The following DNAH8 variants were observed in gnomAD, a reference collection of about 807,000 sequenced individuals.
DNAH8 encodes dynein axonemal heavy chain 8, also known as axonemal beta dynein heavy chain 8.
DNAH8 carries 382 observed loss-of-function variants against 562.1 expected under a neutral mutation model. That is an observed-to-expected ratio of 0.68 (90% CI 0.63 to 0.74). DNAH8 has a LOEUF of 0.74. Ranked by LOEUF, DNAH8 falls within the 30% of genes least tolerant of loss-of-function variation. The pLI, the probability that DNAH8 is intolerant of heterozygous loss-of-function variation, is 0.00. For synonymous variants in DNAH8, 1,881 were observed against 1,919.4 expected, an observed-to-expected ratio of 0.98 and a Z score of 0.52; for missense variants, 5,203 against 5,620.4, an observed-to-expected ratio of 0.93 and a Z score of 2.37.
chr6:38,988,803 C>T (rs538438776), intron 87 of DNAH8, among the ~76,000 whole-genome samples: 1 of 152,346 alleles, frequency 6.6e-6, no homozygotes, highest in Non-Finnish European at 1.5e-5. Flanking sequence ...CCAAAAATCA[C>T]CTCCTTGAGA....
intron 88 of DNAH8, among the ~76,000 whole-genome samples, chr6:39,001,506 GA>G (rs34756517): frequency 6.6e-6 from 1 of 151,990 alleles, no homozygotes; most frequent in African/African-American, 2.4e-5. Flanking sequence ...TATAATCGAT[GA>G]AAAAATGAGG....
intron 74 of DNAH8, chr6:38,929,310 A>C (rs1782353093): frequency 2.3e-6 from 1 of 435,756 alleles, no homozygotes; most frequent in East Asian, 3.7e-5. Flanking sequence ...ACCCCATTAC[A>C]CATCTAGACC....
chr6:38,876,924 C>T (rs1442805078), intron 53 of DNAH8, among the ~76,000 whole-genome samples: 1 of 152,104 alleles, frequency 6.6e-6, no homozygotes, highest in Non-Finnish European at 1.5e-5. Flanking sequence ...TTTCAGTGGG[C>T]CATCTTTAAC....
intron 41 of DNAH8, among the ~76,000 whole-genome samples, chr6:38,854,826 G>A (rs57977635): frequency 0.015 from 2,300 of 150,032 alleles, 94 homozygotes; most frequent in East Asian, 0.15. Context: ...TCTAGTGTAT[G>A]TGTGTATATA....
intron 3 of DNAH8, among the ~76,000 whole-genome samples, chr6:38,726,903 C>T (rs1022145927): frequency 8.3e-5 from 12 of 144,458 alleles, no homozygotes; most frequent in Non-Finnish European, 9.0e-5. Flanking sequence ...TGTTACCCAG[C>T]CTGGAGTGCA....
At chr6:38,755,799 G>C (rs9357280) in intron 9 of DNAH8, among the ~76,000 whole-genome samples, 173 bp from the exon 10 acceptor site, 2 of 152,032 alleles carry the variant, frequency 1.3e-5, no homozygotes, top group Non-Finnish European at 2.9e-5. Flanking sequence ...CTAATGTCCT[G>C]TTATCTGTTC....
In DNAH8 at chr6:39,026,476, A is replaced by C. The variant is rs548981398; in HGVS notation, c.13715-70A>C. ...GAGATTGATAAGCAAGTAACACTTA[A>C]CATTGCTTCCTTCTTGTTTTTAAAG... On this transcript the variant is annotated intron_variant, in intron 91 of 92. Coordinates refer to ENST00000327475, the MANE Select transcript of DNAH8 (RefSeq NM_001206927.2). 20 of 1,479,246 alleles carry C rather than the reference A, an allele frequency of 1.4e-5. No homozygotes were observed. The African/African-American group carries it at 2.5e-4, about 18-fold the overall frequency. The allele number at this position is 1,479,246 out of a possible 1,614,324, so 91.6% of individuals were successfully genotyped here. A position where few individuals can be genotyped will look rare whatever the true frequency, so the allele number is the denominator to read the frequency against.
At position 38,932,183 on chromosome 6, in the gene DNAH8, A is replaced by AACACACACACACACACACAC. The variant is rs70981599; in HGVS notation, c.11457+205_11457+224dup. 2.0e-3 allele frequency among the ~76,000 whole-genome samples: 284 copies of AACACACACACACACACACAC among 139,854 alleles called. 3 individuals carry two copies. The highest frequency in any genetic ancestry group is 6.0e-3 in the African/African-American group (224 of 37,488). The allele number at this position is 139,854 out of a possible 152,430, so 91.7% of individuals were successfully genotyped here. On this transcript the variant is annotated intron_variant, in intron 76 of 92. Coordinates refer to ENST00000327475, the MANE Select transcript of DNAH8 (RefSeq NM_001206927.2). The stretch of plus-strand genomic sequence containing the variant: ...TAACTCATCTTCTCATCCAGCCTGA[A>AACACACACACACACACACAC]ACACACACACACACACACACACACA...
intron 5 of DNAH8, among the ~76,000 whole-genome samples, 156 bp from the exon 6 acceptor site, chr6:38,736,909 GAC>G (rs1764140266): frequency 1.3e-5 from 2 of 152,200 alleles, no homozygotes; most frequent in Non-Finnish European, 2.9e-5. Flanking sequence ...TAAGTTTGTT[GAC>G]TTTAGAACTC....
At chr6:38,950,588 T>C (rs1368105910) in intron 81 of DNAH8, among the ~76,000 whole-genome samples, 1 of 151,766 alleles carries the variant, frequency 6.6e-6, no homozygotes. Context: ...TACAGGCGCC[T>C]GCCACCACGC....
Position 38,894,799 on chromosome 6 carries a change from GTGCGCTTCAATCCC to G in DNAH8, c.8684_8697del (p.Cys2895TyrfsTer22). 6.2e-7 allele frequency: 1 copy of G among 1,614,102 alleles called. No individual in the cohort carries two copies. Among genetic ancestry groups the G allele is most frequent in the Non-Finnish European group, 8.5e-7 (1 of 1,180,000 alleles). ...GAATGTTGACCATAAAAGCTGAGGA[GTGCGCTTCAATCCC>G]TACTCTCCTGTCCCTTTTCAAACAC... On this transcript the variant is annotated frameshift_variant, in exon 59 of 93. Transcript: ENST00000327475. LOFTEE classifies it high-confidence loss of function.
At chr6:38,781,489 AC>A (rs1768611489) in intron 16 of DNAH8, 116 bp downstream of exon 16, 3 of 1,249,348 alleles carry the variant, frequency 2.4e-6, no homozygotes, top group Admixed American at 2.6e-5. Flanking sequence ...CAATTCTTTT[AC>A]CAGGCAAGGA....
chr6:38,934,499 T>C (rs1164233435), intron 76 of DNAH8, among the ~76,000 whole-genome samples: 1 of 152,210 alleles, frequency 6.6e-6, no homozygotes. Context: ...TTGAAAATGA[T>C]GAAATTTCTG....
At position 38,734,562 on chromosome 6, in the gene DNAH8, A is replaced by G. The variant is rs202224203; in HGVS notation, c.699A>G (p.Gly233=). The change falls in exon 5 of 93, where the codon GGA becomes GGG. Residue 233 remains glycine (G), a synonymous_variant. Transcript: ENST00000327475. Reference sequence around the variant, plus strand: ...ATGCAGCCCCGGATAAACTAAAAGGACTGTGCATATTTTTTGTTCGTTGCC... The same window carrying G: ...ATGCAGCCCCGGATAAACTAAAAGGGCTGTGCATATTTTTTGTTCGTTGCC... ...IDNAAPDKLK[G]LCIFFVRCRN... is the part of the protein sequence containing the mutation. The G allele has an allele frequency of 6.2e-7, 1 of 1,613,910 alleles. No homozygotes were observed.
intron 88 of DNAH8, among the ~76,000 whole-genome samples, chr6:38,992,278 C>T (rs983340661): frequency 3.3e-5 from 5 of 152,274 alleles, no homozygotes; most frequent in African/African-American, 7.2e-5. Context: ...TCATACTTTA[C>T]ACTTTAATTA....
intron 63 of DNAH8, 57 bp downstream of exon 63, chr6:38,906,464 A>G (rs1780486474): frequency 1.5e-6 from 2 of 1,344,034 alleles, no homozygotes; most frequent in South Asian, 2.0e-5. Context: ...TTATATTGGA[A>G]TAGAAAAAGC....
chr6:38,822,861 G>C lies in DNAH8; in HGVS notation c.3547G>C (p.Ala1183Pro). ...AGGATCTTTTGAAGAAGCTATTCCT[G>C]CGAGGAAGCTGAAGAATTTTTACCC... is the stretch of plus-strand genomic sequence containing the variant. ...EERSFEEAIP[A>P]RKLKNFYPGV... The change falls in exon 27 of 93, where the codon GCG becomes CCG. Residue 1183 changes from alanine to proline, a missense_variant. Transcript: ENST00000327475. 1 of 1,601,398 alleles carries C rather than the reference G, an allele frequency of 6.2e-7. No individual in the cohort carries two copies. The highest frequency in any genetic ancestry group is 8.5e-7 in the Non-Finnish European group (1 of 1,176,118).
rs1446480421 is a variant in DNAH8 at position 38,990,163 on chromosome 6, C to T, written c.13205C>T (p.Ala4402Val). ...GAAGTCTTTGGGCTTCACCCTAATG[C>T]TGATATCACGTAAGTCCCTGGCATT... Reference protein sequence around the residue: ...NPEVFGLHPNADITYQSNTAS... With the variant: ...NPEVFGLHPNVDITYQSNTAS... Residue 4402 changes from alanine to valine, a missense_variant, in exon 88 of 93, where the codon GCT (alanine) becomes GTT (valine). Transcript: ENST00000327475. 1.2e-6 allele frequency: 2 copies of T among 1,603,710 alleles called. No homozygotes were observed. The highest frequency in any genetic ancestry group is 1.7e-6 in the Non-Finnish European group (2 of 1,175,124).
rs550467976 is a variant in DNAH8 at position 39,022,255 on chromosome 6, T to C, written c.13715-4291T>C. ...TCTCTTTATAAAGTAAGCTGCAGGC[T>C]TTGGGTTGGCAAACCCCAGGGGGAT... On this transcript the variant is annotated intron_variant, in intron 91 of 92. Coordinates refer to ENST00000327475, the MANE Select transcript of DNAH8 (RefSeq NM_001206927.2). Among the ~76,000 whole-genome samples the C allele has an allele frequency of 4.6e-5, 7 of 152,282 alleles. No individual in the cohort carries two copies. In the South Asian group the frequency reaches 1.5e-3, roughly 32 times the overall value.
Sources: gnomAD v4.1 joint callset for allele counts (sites outside exome capture counted in the v4.1 genomes callset) on GRCh38, gnomAD v4.1.1 for gene constraint, MANE v1.5 for transcripts, NCBI Gene and HGNC (gene_info 2026-07-23, HGNC 2026-07-21) for gene names.